Variants in XPO7 observed in about 807,000 individuals in gnomAD.
XPO7 encodes the protein exportin-7.
In XPO7, 21 loss-of-function variants were observed where a neutral mutation model predicts 144.3. That is an observed-to-expected ratio of 0.15 (90% CI 0.10 to 0.21). The LOEUF (loss-of-function observed/expected upper bound fraction) is 0.21. Ranked by LOEUF, XPO7 falls within the 10% of genes least tolerant of loss-of-function variation. XPO7 has a pLI of 1.00. For missense variants in XPO7, 808 were observed against 1,325.8 expected (o/e 0.61, Z 6.06); for synonymous variants, 580 against 499.6 (o/e 1.16, Z -2.15).
intron 2 of XPO7, among the ~76,000 whole-genome samples, chr8:21,969,188 T>G (rs1274274942): frequency 6.6e-6 from 1 of 152,218 alleles, no homozygotes; most frequent in Non-Finnish European, 1.5e-5. Flanking sequence ...TCTATTTTTC[T>G]GAAAAGATGC....
rs559007843 is a variant in XPO7, at chr8:21,937,074, T to C, written c.18+17286T>C. Among the ~76,000 whole-genome samples the C allele has an allele frequency of 2.0e-5, 3 of 152,338 alleles. 1 individual carries two copies. Among genetic ancestry groups the C allele is most frequent in the Non-Finnish European group, 4.4e-5 (3 of 68,030 alleles). On this transcript the variant is annotated intron_variant, in intron 1 of 27. Coordinates refer to ENST00000252512, the MANE Select transcript of XPO7 (RefSeq NM_015024.5). ...CTGTTAGTTCCAAAATTATACCTTA[T>C]TTTTAATGCATAGCACAATAAGAGG...
chr8:21,954,842 CAGTTGTTTG>C (rs1811484090), intron 1 of XPO7, among the ~76,000 whole-genome samples: 1 of 152,086 alleles, frequency 6.6e-6, no homozygotes. Flanking sequence ...CTTTAGAAGT[CAGTTGTTTG>C]ACCTTGTTTG....
At chr8:21,961,958 C>A (rs1002329222) in intron 1 of XPO7, among the ~76,000 whole-genome samples, 4 of 152,242 alleles carry the variant, frequency 2.6e-5, no homozygotes, top group Admixed American at 2.0e-4. Flanking sequence ...CCACCACGCC[C>A]TGCCTCATTT....
chr8:21,933,645 T>C (rs921633917), intron 1 of XPO7, among the ~76,000 whole-genome samples: 4 of 152,156 alleles, frequency 2.6e-5, no homozygotes, highest in African/African-American at 4.8e-5. Flanking sequence ...GGTGAGTCTA[T>C]TAAGAAAGCA....
intron 24 of XPO7, 149 bp downstream of exon 24, chr8:21,999,823 A>T: frequency 9.8e-7 from 1 of 1,018,436 alleles, no homozygotes; most frequent in East Asian, 2.6e-5. Context: ...TGCACAGCAC[A>T]TGCTTATCCA....
chr8:21,981,591 A>T, intron 9 of XPO7, 140 bp from the exon 10 acceptor site: 1 of 999,208 alleles, frequency 1.0e-6, no homozygotes, highest in Non-Finnish European at 1.5e-6. Context: ...ATGCAGACGT[A>T]TCATTCTGAA....
At chr8:21,926,456 T>G (rs1370551409) in intron 1 of XPO7, among the ~76,000 whole-genome samples, 1 of 152,168 alleles carries the variant, frequency 6.6e-6, no homozygotes, top group Non-Finnish European at 1.5e-5. Flanking sequence ...AAAAGGGAAA[T>G]GAAGGGTTTT....
chr8:21,987,847 A>G lies in XPO7; in HGVS notation c.1777A>G (p.Ile593Val), dbSNP rs770255444. 1.6e-5 allele frequency: 26 copies of G among 1,613,650 alleles called. No individual in the cohort carries two copies. Among genetic ancestry groups the G allele is most frequent in the African/African-American group, 2.7e-5 (2 of 74,918 alleles). ...TGAGACCATGGTCCTAAGCGTCTTC[A>G]TAGGAAAAATGTAAGTGTTTCAGCT... Reference protein sequence around the residue: ...NDETMVLSVFIGKIITNLKYW... With the variant: ...NDETMVLSVFVGKIITNLKYW... Residue 593 changes from isoleucine (I) to valine (V), a missense_variant, in exon 15 of 28, where the codon ATA (isoleucine) becomes GTA (valine). By Grantham distance (29) the Ile-to-Val change is conservative. Coordinates refer to ENST00000252512, the MANE Select transcript of XPO7 (RefSeq NM_015024.5).
chr8:21,974,515 C>T (rs1314400067), intron 5 of XPO7, among the ~76,000 whole-genome samples, 155 bp from the exon 6 acceptor site: 7 of 152,194 alleles, frequency 4.6e-5, no homozygotes, highest in Non-Finnish European at 5.9e-5. Context: ...TCCATCCTTT[C>T]ACTAGATAGC....
rs368868488 is a variant in XPO7 at position 21,965,391 on chromosome 8, A to G, written c.19-1466A>G. 1.7e-4 allele frequency among the ~76,000 whole-genome samples: 26 copies of G among 152,348 alleles called. No individual in the cohort carries two copies. In the East Asian group the frequency reaches 4.2e-3, roughly 25 times the overall value. ...GTTCATAAGCCATGTGAATAAACTC[A>G]GGTACTACTTATAGAACTTTATTGC... is the stretch of plus-strand genomic sequence containing the variant. On this transcript the variant is annotated intron_variant, in intron 1 of 27. Coordinates refer to ENST00000252512, the MANE Select transcript of XPO7 (RefSeq NM_015024.5).
intron 11 of XPO7, among the ~76,000 whole-genome samples, chr8:21,983,669 T>C (rs1182727704): frequency 6.6e-6 from 1 of 152,214 alleles, no homozygotes; most frequent in African/African-American, 2.4e-5. Context: ...TACATGTTTG[T>C]AGGCTCTGGG....
intron 19 of XPO7, among the ~76,000 whole-genome samples, chr8:21,993,865 G>C (rs999646180): frequency 1.5e-4 from 23 of 151,392 alleles, no homozygotes; most frequent in African/African-American, 5.1e-4. Flanking sequence ...TGGGACTTCT[G>C]TTTTTCTTTT....
chr8:21,974,810 T>C lies in XPO7; in HGVS notation c.597+36T>C, dbSNP rs906193860. On this transcript the variant is annotated intron_variant, in intron 6 of 27. Coordinates refer to ENST00000252512, the MANE Select transcript of XPO7 (RefSeq NM_015024.5). ...AGTTTGGGTCATATTTCCCAGTTTC[T>C]TTTGAAAGAATGAGAATGGATGGGA... 4 of 1,491,380 alleles carry C rather than the reference T, an allele frequency of 2.7e-6. No individual in the cohort carries two copies. The Admixed American group carries it at 8.3e-5, about 31-fold the overall frequency. 92.4% of individuals were successfully genotyped at this position (1,491,380 alleles called of 1,614,324 possible).
intron 1 of XPO7, among the ~76,000 whole-genome samples, chr8:21,923,741 A>G (rs1208634082): frequency 6.6e-6 from 1 of 152,188 alleles, no homozygotes; most frequent in Non-Finnish European, 1.5e-5. Flanking sequence ...TTGACCCAGA[A>G]ATTGATGTTC....
At chr8:21,954,411 G>T (rs917409474) in intron 1 of XPO7, among the ~76,000 whole-genome samples, 2 of 152,260 alleles carry the variant, frequency 1.3e-5, no homozygotes, top group African/African-American at 4.8e-5. Context: ...CAAGACAGGC[G>T]GATCACGAGG....
In XPO7 at chr8:21,998,984, C is replaced by G. The variant is rs576267250; in HGVS notation, c.2429-107C>G. 9.2e-5 allele frequency: 135 copies of G among 1,472,172 alleles called. No homozygotes were observed. The African/African-American group carries it at 1.6e-3, about 17-fold the overall frequency. 91.2% of individuals were successfully genotyped at this position (1,472,172 alleles called of 1,614,324 possible). On this transcript the variant is annotated intron_variant, in intron 22 of 27. Transcript: ENST00000252512. ...TAATACATGTGCATTAGAGTGCCAC[C>G]TGTCACCAGGGGCCTACTGGAATTT...
intron 2 of XPO7, among the ~76,000 whole-genome samples, chr8:21,967,959 C>T (rs540989042): frequency 2.2e-4 from 33 of 152,354 alleles, no homozygotes; most frequent in African/African-American, 7.7e-4. Context: ...AGCTAGACTT[C>T]AGCAGCAAGC....
At chr8:21,937,220 A>G (rs754473074) in intron 1 of XPO7, among the ~76,000 whole-genome samples, 46 of 152,254 alleles carry the variant, frequency 3.0e-4, no homozygotes, top group Non-Finnish European at 5.3e-4. Flanking sequence ...ACACAAATTC[A>G]TATTAGTCGA....
chr8:21,974,211 T>G (rs1812156009), intron 5 of XPO7, among the ~76,000 whole-genome samples: 1 of 137,868 alleles, frequency 7.3e-6, no homozygotes, highest in African/African-American at 2.6e-5. Context: ...ATTTTTATTT[T>G]TTTTAGTTTT....
Sources: allele counts gnomAD v4.1 joint callset (sites outside exome capture counted in the v4.1 genomes callset), GRCh38; gene constraint gnomAD v4.1.1; transcripts MANE v1.5; gene names NCBI Gene and HGNC (gene_info 2026-07-23, HGNC 2026-07-21).